Variants in MCF2L2 observed in about 807,000 individuals in gnomAD.
The protein encoded by MCF2L2 is probable guanine nucleotide exchange factor MCF2L2.
In MCF2L2, 102 loss-of-function variants were observed where a neutral mutation model predicts 150.2. That is an observed-to-expected ratio of 0.68 (90% CI 0.58 to 0.80). MCF2L2 has a LOEUF of 0.80. MCF2L2 is among the 30% of genes least tolerant of loss of function. MCF2L2 has a pLI of 0.00. For missense variants in MCF2L2, 1,256 were observed against 1,372.8 expected (o/e 0.91, Z 1.34); for synonymous variants, 465 against 491.3 (o/e 0.95, Z 0.71).
At chr3:183,240,685 T>C (rs1723980951) in intron 15 of MCF2L2, among the ~76,000 whole-genome samples, 1 of 152,060 alleles carries the variant, frequency 6.6e-6, no homozygotes, top group Admixed American at 6.6e-5. Context: ...TGGGGAGAGG[T>C]GGGTGGGAGC....
At chr3:183,356,361 A>C (rs1282920299) in intron 3 of MCF2L2, among the ~76,000 whole-genome samples, 1 of 152,034 alleles carries the variant, frequency 6.6e-6, no homozygotes, top group Admixed American at 6.6e-5. Context: ...AAAAATATAA[A>C]AATTAGTTGG....
intron 3 of MCF2L2, among the ~76,000 whole-genome samples, chr3:183,348,542 G>C (rs1730989766): frequency 6.6e-6 from 1 of 152,084 alleles, no homozygotes; most frequent in Admixed American, 6.6e-5. Flanking sequence ...TTCTGCACAT[G>C]TATCCCAAAA....
intron 1 of MCF2L2, among the ~76,000 whole-genome samples, chr3:183,397,030 G>A (rs992788949): frequency 1.3e-5 from 2 of 152,166 alleles, no homozygotes; most frequent in African/African-American, 4.8e-5. Flanking sequence ...AATTTCTATT[G>A]TTGTAAGCCA....
Position 183,378,079 on chromosome 3 carries a change from A to G in MCF2L2, c.275+1218T>C, listed in dbSNP as rs117854532. The G allele has an allele frequency of 9.2e-5, 14 of 152,370 alleles. No individual in the cohort carries two copies. The East Asian group carries it at 2.5e-3, about 27-fold the overall frequency. The allele number at this position is 152,370 out of a possible 1,614,324, so 9.4% of individuals were successfully genotyped here. Reference sequence around the variant, plus strand: ...ACATATTTTTCAAGTGGGTTTGGTTAAAGCAATCAACTTCCTAATCTCCAC... The same window carrying G: ...ACATATTTTTCAAGTGGGTTTGGTTGAAGCAATCAACTTCCTAATCTCCAC... On this transcript the variant is annotated intron_variant, in intron 3 of 29. Coordinates refer to ENST00000328913, the MANE Select transcript of MCF2L2 (RefSeq NM_015078.4).
chr3:183,363,912 C>T (rs1426139940), intron 3 of MCF2L2, among the ~76,000 whole-genome samples: 2 of 152,102 alleles, frequency 1.3e-5, no homozygotes, highest in Non-Finnish European at 2.9e-5. Context: ...TTCTAAAGTA[C>T]ACATGGAACA....
chr3:183,279,283 C>A (rs915751630), intron 14 of MCF2L2, among the ~76,000 whole-genome samples: 1 of 151,392 alleles, frequency 6.6e-6, no homozygotes, highest in Non-Finnish European at 1.5e-5. Flanking sequence ...TGAATTGTAG[C>A]CAAAGTACTT....
intron 2 of MCF2L2, among the ~76,000 whole-genome samples, chr3:183,380,686 G>A (rs1432415828): frequency 6.6e-6 from 1 of 152,226 alleles, no homozygotes; most frequent in Non-Finnish European, 1.5e-5. Flanking sequence ...ACAGGCATGA[G>A]CCACCACGCC....
In MCF2L2 at chr3:183,219,918, G is replaced by A. The variant is rs777504204; in HGVS notation, c.2308C>T (p.Leu770=). The A allele has an allele frequency of 6.2e-7, 1 of 1,612,564 alleles. No individual in the cohort carries two copies. The highest frequency in any genetic ancestry group is 8.5e-7 in the Non-Finnish European group (1 of 1,178,854). The change falls in exon 21 of 30, where the codon CTG becomes TTG. Residue 770 remains leucine, a synonymous_variant. Transcript: ENST00000328913. ...ATATCTTCAGGAGACTCGAAATCCA[G>A]CAGACCCTGCATTAACCCAAAAGTC... The part of the protein sequence containing the change: ...IKYQMLLKGL[L]DFESPEDMEI...
rs747628521 is a variant in MCF2L2, at chr3:183,207,633, TGAG to T, written c.2684_2686del (p.Pro895del). On this transcript the variant is annotated inframe_deletion, in exon 23 of 30. Transcript: ENST00000328913. ...CTTCATGGTCTTCTTGAAGCTGTAA[TGAG>T]GAGATAATCCCTGGTCCCCAGGCTC... 21 of 1,613,994 alleles carry T rather than the reference TGAG, an allele frequency of 1.3e-5. No homozygotes were observed. The highest frequency in any genetic ancestry group is 1.7e-5 in the Admixed American group (1 of 60,016).
intron 15 of MCF2L2, among the ~76,000 whole-genome samples, chr3:183,247,509 G>A (rs1309123908): frequency 2.0e-5 from 3 of 152,112 alleles, no homozygotes; most frequent in Non-Finnish European, 2.9e-5. Flanking sequence ...CAATTCCCAA[G>A]AAAGAGTACT....
chr3:183,228,424 AT>A, intron 17 of MCF2L2, 58 bp from the exon 18 acceptor site: 2 of 1,204,932 alleles, frequency 1.7e-6, no homozygotes, highest in Non-Finnish European at 2.4e-6. Flanking sequence ...TAGGTAATTA[AT>A]TTTTTAAGTA....
chr3:183,376,550 T>C (rs537346187), intron 3 of MCF2L2: 1 of 152,328 alleles, frequency 6.6e-6, no homozygotes, highest in East Asian at 1.9e-4. Context: ...AAGGCAGGAA[T>C]GAAGAGCTGG....
chr3:183,188,518 C>T (rs1420652049), intron 27 of MCF2L2, among the ~76,000 whole-genome samples: 3 of 152,166 alleles, frequency 2.0e-5, no homozygotes, highest in African/African-American at 2.4e-5. Context: ...CACTCCATCC[C>T]CGCAGTGCCA....
chr3:183,222,506 C>T (rs528712721), intron 20 of MCF2L2, among the ~76,000 whole-genome samples: 20 of 151,788 alleles, frequency 1.3e-4, no homozygotes, highest in Admixed American at 3.3e-4. Flanking sequence ...ACTGAGATCG[C>T]GCCATTGCAC....
chr3:183,380,957 G>A (rs1037016297), intron 2 of MCF2L2, among the ~76,000 whole-genome samples: 2 of 152,136 alleles, frequency 1.3e-5, no homozygotes, highest in African/African-American at 4.8e-5. Context: ...CAGCTACTAA[G>A]TTGTTAGGAC....
At chr3:183,355,477 T>C (rs989470467) in intron 3 of MCF2L2, among the ~76,000 whole-genome samples, 1 of 151,374 alleles carries the variant, frequency 6.6e-6, no homozygotes, top group African/African-American at 2.4e-5. Context: ...AGACGGAGTC[T>C]CGCTCTGTCG....
intron 11 of MCF2L2, chr3:183,297,507 C>T (rs930738210): frequency 4.3e-6 from 1 of 233,726 alleles, no homozygotes; most frequent in Non-Finnish European, 8.6e-6. Context: ...GGCTGGAGTA[C>T]AGTAGTGCAA....
In MCF2L2 at chr3:183,349,945, A is replaced by G. The variant is rs964659769; in HGVS notation, c.276-8315T>C. Among the ~76,000 whole-genome samples, 3 of 152,190 alleles carry G rather than the reference A, an allele frequency of 2.0e-5. 1 individual carries two copies. The highest frequency in any genetic ancestry group is 4.4e-5 in the Non-Finnish European group (3 of 68,034). ...AGGGAGCCACCAGGACTCTTAAACA[A>G]GGTGAAGCTGGGAGAGGCTTAGCAA... On this transcript the variant is annotated intron_variant, in intron 3 of 29. Coordinates refer to ENST00000328913, the MANE Select transcript of MCF2L2 (RefSeq NM_015078.4).
chr3:183,427,313 G>C (rs1377089402), intron 1 of MCF2L2, among the ~76,000 whole-genome samples: 1 of 152,190 alleles, frequency 6.6e-6, no homozygotes, highest in Admixed American at 6.5e-5. Context: ...TTTCAACTCA[G>C]GGAAGAAGAT....
Sources: allele counts gnomAD v4.1 joint callset (sites outside exome capture counted in the v4.1 genomes callset), GRCh38; gene constraint gnomAD v4.1.1; transcripts MANE v1.5; gene names NCBI Gene and HGNC (gene_info 2026-07-23, HGNC 2026-07-21).